The following PPM1E variants were observed in gnomAD, a reference collection of about 807,000 sequenced individuals.
The protein encoded by PPM1E is protein phosphatase, Mg2+/Mn2+ dependent 1E.
PPM1E carries 20 observed loss-of-function variants against 65.9 expected under a neutral mutation model. That is an observed-to-expected ratio of 0.30 (90% CI 0.21 to 0.44). PPM1E has a LOEUF of 0.44. Among genes scored for constraint, PPM1E ranks in the 20% least tolerant of loss-of-function variants. The pLI is 1.00. For missense variants in PPM1E, 713 were observed against 953.1 expected (o/e 0.75, Z 3.32); for synonymous variants, 352 against 374.9 (o/e 0.94, Z 0.70).
chr17:58,876,517 A>G (rs1398977951), intron 1 of PPM1E, among the ~76,000 whole-genome samples: 1 of 152,168 alleles, frequency 6.6e-6, no homozygotes, highest in African/African-American at 2.4e-5. Context: ...TGATATTTTT[A>G]TAGGAAATGG....
At chr17:58,834,419 T>G (rs1477775862) in intron 1 of PPM1E, among the ~76,000 whole-genome samples, 1 of 152,238 alleles carries the variant, frequency 6.6e-6, no homozygotes, top group Non-Finnish European at 1.5e-5. Context: ...AATTTATTAA[T>G]TTTTTCCTTT....
chr17:58,978,541 T>A (rs2031165269), intron 6 of PPM1E, among the ~76,000 whole-genome samples: 1 of 152,048 alleles, frequency 6.6e-6, no homozygotes, highest in Admixed American at 6.6e-5. Flanking sequence ...TGAAACCCCG[T>A]CTCTAATAAA....
chr17:58,977,217 G>C (rs1470065134), intron 6 of PPM1E, among the ~76,000 whole-genome samples: 1 of 152,020 alleles, frequency 6.6e-6, no homozygotes, highest in East Asian at 1.9e-4. Flanking sequence ...AGCCCAGGTG[G>C]GTAGATCACA....
intron 1 of PPM1E, among the ~76,000 whole-genome samples, chr17:58,826,779 C>T (rs1567845423): frequency 1.3e-5 from 2 of 151,964 alleles, no homozygotes; most frequent in African/African-American, 4.8e-5. Flanking sequence ...GTGCATGCCA[C>T]CTCACCTGGC....
rs1369852953 is a variant in PPM1E, at chr17:58,981,661, T to C, written c.*630T>C. 1.3e-5 allele frequency: 2 copies of C among 152,654 alleles called. No individual in the cohort carries two copies. Among genetic ancestry groups the C allele is most frequent in the Non-Finnish European group, 2.9e-5 (2 of 68,052 alleles). The allele number at this position is 152,654 out of a possible 1,614,324, so 9.5% of individuals were successfully genotyped here. On this transcript the variant is annotated 3_prime_UTR_variant, in exon 7 of 7. Transcript: ENST00000308249. ...CAGAAAGATTTACGGATTTTTTTCCTGTAACATAAAAGATTGTGAACTTTT... is the reference window on the plus strand; with the variant it reads ...CAGAAAGATTTACGGATTTTTTTCCCGTAACATAAAAGATTGTGAACTTTT...
intron 1 of PPM1E, among the ~76,000 whole-genome samples, chr17:58,816,786 ATATATATATTTTT>A (rs1331760662): frequency 1.6e-3 from 12 of 7,734 alleles, no homozygotes; most frequent in South Asian, 4.2e-3. Flanking sequence ...ATATATATAT[ATATATATATTTTT>A]TTTTTTTTTT....
intron 1 of PPM1E, among the ~76,000 whole-genome samples, chr17:58,902,529 G>A (rs975473281): frequency 6.6e-6 from 1 of 152,058 alleles, no homozygotes; most frequent in African/African-American, 2.4e-5. Flanking sequence ...TCCCACAGAA[G>A]TCATTTGTCT....
chr17:58,934,343 T>A (rs2051947415), intron 1 of PPM1E, among the ~76,000 whole-genome samples: 1 of 152,202 alleles, frequency 6.6e-6, no homozygotes, highest in Non-Finnish European at 1.5e-5. Context: ...TGAAGCATTA[T>A]TTATTTGGTA....
At chr17:58,869,457 T>C (rs1482306214) in intron 1 of PPM1E, among the ~76,000 whole-genome samples, 3 of 152,150 alleles carry the variant, frequency 2.0e-5, no homozygotes, top group Non-Finnish European at 4.4e-5. Context: ...TTGGTTCCCA[T>C]GAGAGCTGAT....
chr17:58,764,626 T>C (rs1311580285), intron 1 of PPM1E, among the ~76,000 whole-genome samples: 1 of 152,104 alleles, frequency 6.6e-6, no homozygotes, highest in African/African-American at 2.4e-5. Flanking sequence ...GGTTTGTTTT[T>C]TTTGTTTTTG....
intron 1 of PPM1E, among the ~76,000 whole-genome samples, chr17:58,936,283 T>C (rs947929888): frequency 6.6e-6 from 1 of 152,140 alleles, no homozygotes; most frequent in Non-Finnish European, 1.5e-5. Flanking sequence ...TTTAGCTTAA[T>C]GTGTTATTCT....
chr17:58,977,126 A>G lies in PPM1E; in HGVS notation c.1211-2848A>G, dbSNP rs1011179005. 6.5e-4 allele frequency among the ~76,000 whole-genome samples: 99 copies of G among 152,288 alleles called. 1 individual carries two copies. Among genetic ancestry groups the G allele is most frequent in the African/African-American group, 2.4e-3 (98 of 41,566 alleles). ...GATTAAATCAAAAGCATGCTTGGGAAAGATGGTTTTGACTCCTGTAAGAAA... is the reference window on the plus strand; with the variant it reads ...GATTAAATCAAAAGCATGCTTGGGAGAGATGGTTTTGACTCCTGTAAGAAA... On this transcript the variant is annotated intron_variant, in intron 6 of 6. Coordinates refer to ENST00000308249, the MANE Select transcript of PPM1E (RefSeq NM_014906.5).
At chr17:58,909,924 C>CTTTTTTTTTTTTTTTTTTTT (rs35833275) in intron 1 of PPM1E, among the ~76,000 whole-genome samples, 16 of 90,040 alleles carry the variant, frequency 1.8e-4, no homozygotes, top group East Asian at 3.4e-4. Flanking sequence ...TTTTCTTTTT[C>CTTTTTTTTTTTTTTTTTTTT]TTTTTTTTTT....
intron 1 of PPM1E, among the ~76,000 whole-genome samples, chr17:58,836,349 G>A (rs1383551058): frequency 6.6e-6 from 1 of 151,700 alleles, no homozygotes; most frequent in Admixed American, 6.6e-5. Context: ...ATTCCCAGGG[G>A]GCCTGGCATG....
At chr17:58,902,982 A>C (rs1030411164) in intron 1 of PPM1E, among the ~76,000 whole-genome samples, 2 of 152,188 alleles carry the variant, frequency 1.3e-5, no homozygotes, top group African/African-American at 4.8e-5. Context: ...CATATCAGTC[A>C]TTATGGGAAC....
At chr17:58,852,377 T>C (rs2050835640) in intron 1 of PPM1E, among the ~76,000 whole-genome samples, 1 of 152,146 alleles carries the variant, frequency 6.6e-6, no homozygotes. Flanking sequence ...GAGCTGTTCT[T>C]ATTTGGCCAT....
intron 1 of PPM1E, among the ~76,000 whole-genome samples, chr17:58,856,691 A>G (rs996160797): frequency 2.0e-5 from 3 of 152,212 alleles, no homozygotes; most frequent in Non-Finnish European, 4.4e-5. Context: ...ATTAGGGCAC[A>G]AATAGAGAAA....
chr17:58,972,522 TG>T, intron 5 of PPM1E, among the ~76,000 whole-genome samples: 1 of 152,276 alleles, frequency 6.6e-6, no homozygotes, highest in East Asian at 1.9e-4. Context: ...AGCTAATTTT[TG>T]TATTTTTAGT....
At chr17:58,923,284 C>CA (rs60557317) in intron 1 of PPM1E, among the ~76,000 whole-genome samples, 10,001 of 102,306 alleles carry the variant, frequency 0.098, 512 homozygotes, top group Middle Eastern at 0.26. Flanking sequence ...GACCCTATCT[C>CA]AAAAAAAAAA....
Sources: allele counts gnomAD v4.1 joint callset (sites outside exome capture counted in the v4.1 genomes callset), GRCh38; gene constraint gnomAD v4.1.1; transcripts MANE v1.5; gene names NCBI Gene and HGNC (gene_info 2026-07-23, HGNC 2026-07-21).